VTN: variants seen among roughly 807,000 people sequenced by gnomAD.
VTN encodes vitronectin.
VTN carries 45 observed loss-of-function variants against 55.9 expected under a neutral mutation model. The ratio of observed to expected loss-of-function variants is 0.80; its 90% confidence interval spans 0.63 to 1.03. The LOEUF is 1.03. Ranked by LOEUF, VTN falls within the 50% of genes least tolerant of loss-of-function variation. The pLI, the probability that VTN is intolerant of heterozygous loss-of-function variation, is 0.00. For synonymous variants in VTN, 238 were observed against 242.3 expected, an observed-to-expected ratio of 0.98 and a Z score of 0.17; for missense variants, 589 against 638.2, an observed-to-expected ratio of 0.92 and a Z score of 0.83.
rs1208169982 is a variant in VTN at position 28,367,468 on chromosome 17, T to C, written c.1338A>G (p.Arg446=). The part of the protein sequence containing the change: ...VFFFSGDKYY[R]VNLRTRRVDT... ...CCACTCGCCGTGTGCGAAGATTGAC[T>C]CGGTAGTACTTGTCTGGAAGAGAGG... The change falls in exon 8 of 8, where the codon CGA becomes CGG. Residue 446 remains arginine, a synonymous_variant. Coordinates refer to ENST00000226218, the MANE Select transcript of VTN (RefSeq NM_000638.4). 1.2e-6 allele frequency: 2 copies of C among 1,613,396 alleles called. No homozygotes were observed. Among genetic ancestry groups the C allele is most frequent in the Admixed American group, 1.7e-5 (1 of 59,798 alleles).
rs781798185 is a variant in VTN at position 28,368,509 on chromosome 17, C to G, written c.979+12G>C. ...TTTTGAGGGAGAAGCAAGACTTGCC[C>G]TCTCTCCATACCAGAGGTTCTGCCC... On this transcript the variant is annotated intron_variant, in intron 6 of 7. Coordinates refer to ENST00000226218, the MANE Select transcript of VTN (RefSeq NM_000638.4). The G allele has an allele frequency of 2.5e-5, 40 of 1,613,094 alleles. No homozygotes were observed. The highest frequency in any genetic ancestry group is 3.3e-5 in the Non-Finnish European group (39 of 1,179,564).
Position 28,368,000 on chromosome 17 carries a change from C to T in VTN, c.1039G>A (p.Asp347Asn). The change falls in exon 7 of 8, where the codon GAC becomes AAC. Residue 347 changes from aspartate (D) to asparagine (N), a missense_variant. This residue lies in a region of VTN where 334 missense variants were observed against 328.2 expected (regional missense o/e 1.02). Transcript: ENST00000226218. ...RDWHGVPGQVDAAMAGRIYIS... is the reference protein window; with the variant it reads ...RDWHGVPGQVNAAMAGRIYIS... ...TAGATGCGGCCAGCCATGGCTGCGT[C>T]CACTTGCCCTGGCACACCGTGCCAG... 16 of 1,593,210 alleles carry T rather than the reference C, an allele frequency of 1.0e-5. No individual in the cohort carries two copies. The highest frequency in any genetic ancestry group is 1.4e-5 in the Non-Finnish European group (16 of 1,169,890).
rs782325071 is a variant in VTN, at chr17:28,370,188, G to A, written c.16C>T (p.Pro6Ser). The change falls in exon 1 of 8, where the codon CCC becomes TCC. Residue 6 changes from proline to serine, a missense_variant. Pro to Ser is a moderately conservative substitution (Grantham distance 74, BLOSUM62 -1). Transcript: ENST00000226218. MAPLR[P>S]LLILALLAWV... ...GCCAGCAGGGCCAGTATGAGAAGGG[G>A]TCTCAGGGGTGCCATGGCAGGGCTT... 1.1e-5 allele frequency: 17 copies of A among 1,613,168 alleles called. No individual in the cohort carries two copies. In the Admixed American group the frequency reaches 2.5e-4, roughly 24 times the overall value.
At chr17:28,368,445 A>C in intron 6 of VTN, 76 bp downstream of exon 6, 3 of 1,572,720 alleles carry the variant, frequency 1.9e-6, no homozygotes, top group Non-Finnish European at 2.6e-6. Flanking sequence ...AGCCCCCTCC[A>C]GCCGGCCTGG....
chr17:28,367,344 G>T lies in VTN; in HGVS notation c.*25C>A. ...GAGATGGGAGGAGGGAGCTACAGAG[G>T]GCCCGGCCATGTGGGCTCTGACTCC... On this transcript the variant is annotated 3_prime_UTR_variant, in exon 8 of 8. Coordinates refer to ENST00000226218, the MANE Select transcript of VTN (RefSeq NM_000638.4). The T allele has an allele frequency of 6.6e-7, 1 of 1,511,726 alleles. No homozygotes were observed. The allele number at this position is 1,511,726 out of a possible 1,614,324, so 93.6% of individuals were successfully genotyped here. A position where few individuals can be genotyped will look rare whatever the true frequency, so the allele number is the denominator to read the frequency against.
At chr17:28,368,175 C>T in intron 6 of VTN, 116 bp from the exon 7 acceptor site, 1 of 909,220 alleles carries the variant, frequency 1.1e-6, no homozygotes, top group Non-Finnish European at 1.6e-6. Context: ...CAGCGAATGG[C>T]AGAGCCAGGC....
intron 6 of VTN, among the ~76,000 whole-genome samples, chr17:28,368,294 C>T (rs1391655794): frequency 6.6e-6 from 1 of 151,788 alleles, no homozygotes; most frequent in African/African-American, 2.4e-5. Context: ...CACAGCCCCT[C>T]CCTCTGCTGG....
chr17:28,369,115 A>C lies in VTN; in HGVS notation c.670-87T>G, dbSNP rs782279799. Reference sequence around the variant, plus strand: ...CCCTTGCCCTAAGGCAGCCGTTCCCAGGTCCAGGTTCACTGCCCAGGACCT... The same window carrying C: ...CCCTTGCCCTAAGGCAGCCGTTCCCCGGTCCAGGTTCACTGCCCAGGACCT... On this transcript the variant is annotated intron_variant, in intron 4 of 7. Coordinates refer to ENST00000226218, the MANE Select transcript of VTN (RefSeq NM_000638.4). This position sits in a 1 kb window ranked among gnomAD's most constrained non-coding sequence, Gnocchi z 5.3. The C allele has an allele frequency of 1.6e-5, 24 of 1,514,862 alleles. No homozygotes were observed. The highest frequency in any genetic ancestry group is 4.6e-5 in the Admixed American group (2 of 43,762). The allele number at this position is 1,514,862 out of a possible 1,614,324, so 93.8% of individuals were successfully genotyped here.
In VTN at chr17:28,367,321, G is replaced by T; in HGVS notation, c.*48C>A. 7.6e-7 allele frequency: 1 copy of T among 1,323,976 alleles called. No individual in the cohort carries two copies. The highest frequency in any genetic ancestry group is 1.3e-5 in the South Asian group (1 of 75,526). 82.0% of individuals were successfully genotyped at this position (1,323,976 alleles called of 1,614,324 possible). A position where few individuals can be genotyped will look rare whatever the true frequency, so the allele number is the denominator to read the frequency against. On this transcript the variant is annotated 3_prime_UTR_variant, in exon 8 of 8. Transcript: ENST00000226218. ...GACCTTTATTGGGCTGGGGGAAGGA[G>T]ATGGGAGGAGGGAGCTACAGAGGGC...
At chr17:28,370,106 A>G (rs782117377) in intron 1 of VTN, 34 bp downstream of exon 1, 7 of 1,613,492 alleles carry the variant, frequency 4.3e-6, no homozygotes, top group Middle Eastern at 1.6e-4. Context: ...CCCTCCCTAC[A>G]TTGACCCAGA....
At position 28,368,632 on chromosome 17, in the gene VTN, G is replaced by T. The variant is rs781944825; in HGVS notation, c.868C>A (p.Gln290Lys). ...WEYQFQHQPSQEECEGSSLSA... is the reference protein window; with the variant it reads ...WEYQFQHQPSKEECEGSSLSA... ...AGGGAGCTGCCTTCACACTCCTCCT[G>T]ACTGGGCTGGTGCTGGAACTGGTAC... The change falls in exon 6 of 8, where the codon CAG becomes AAG. Residue 290 changes from glutamine (Q) to lysine (K), a missense_variant. Coordinates refer to ENST00000226218, the MANE Select transcript of VTN (RefSeq NM_000638.4). The T allele has an allele frequency of 1.2e-6, 2 of 1,613,950 alleles. No individual in the cohort carries two copies. The highest frequency in any genetic ancestry group is 2.7e-5 in the African/African-American group (2 of 75,036).
chr17:28,368,668 G>A lies in VTN; in HGVS notation c.832C>T (p.Gln278Ter). ...RERVYFFKGKQYWEYQFQHQP... is the reference protein window; with the variant it reads ...RERVYFFKGK ...TGCTGGAACTGGTACTCCCAGTACT[G>A]TTTCCCTGAGGAGCAGGGTGGTGGG... The change falls in exon 6 of 8, where the codon CAG (glutamine) becomes TAG (stop). Residue 278 changes from glutamine (Q) to a stop codon, truncating the protein, a stop_gained. Coordinates refer to ENST00000226218, the MANE Select transcript of VTN (RefSeq NM_000638.4). LOFTEE classifies it high-confidence loss of function. 6.2e-7 allele frequency: 1 copy of A among 1,613,642 alleles called. No homozygotes were observed.
At position 28,367,407 on chromosome 17, in the gene VTN, G is replaced by A. The variant is rs782111024; in HGVS notation, c.1399C>T (p.Gln467Ter). ...VDPPYPRSIA[Q>*]YWLGCPAPGH... is the part of the protein sequence containing the mutation. ...GGAGCTGGGCAGCCCAGCCAGTACT[G>A]AGCGATGGAGCGTGGGTAGGGAGGG... Residue 467 changes from glutamine (Q) to a stop codon, truncating the protein, a stop_gained, in exon 8 of 8, where the codon CAG becomes TAG. Coordinates refer to ENST00000226218, the MANE Select transcript of VTN (RefSeq NM_000638.4). LOFTEE classifies it high-confidence loss of function. The A allele has an allele frequency of 1.9e-6, 3 of 1,612,048 alleles. No individual in the cohort carries two copies. The African/African-American group carries it at 4.0e-5, about 22-fold the overall frequency.
At chr17:28,368,802 C>T in intron 5 of VTN, 70 bp downstream of exon 5, 3 of 1,611,952 alleles carry the variant, frequency 1.9e-6, no homozygotes, top group African/African-American at 1.3e-5. Context: ...GAGGCCTGTC[C>T]CCAGTGAAAT....
In VTN at chr17:28,370,129, C is replaced by T. The variant is rs782699926; in HGVS notation, c.64+11G>A. 3.7e-6 allele frequency: 6 copies of T among 1,613,194 alleles called. No homozygotes were observed. Among genetic ancestry groups the T allele is most frequent in the South Asian group, 2.2e-5 (2 of 91,048 alleles). On this transcript the variant is annotated intron_variant, in intron 1 of 7. Coordinates refer to ENST00000226218, the MANE Select transcript of VTN (RefSeq NM_000638.4). ...ACATTGACCCAGATGGCCACCAACA[C>T]TCCCCTGTACCTTGGTCAGCCAGAG...
At position 28,368,592 on chromosome 17, in the gene VTN, T is replaced by C; in HGVS notation, c.908A>G (p.Glu303Gly). The C allele has an allele frequency of 6.2e-7, 1 of 1,613,974 alleles. No homozygotes were observed. Residue 303 changes from glutamate to glycine, a missense_variant, in exon 6 of 8, where the codon GAA becomes GGA. Around this residue, in one of 3 missense-constraint regions of VTN, gnomAD observed 334 missense variants for 328.2 expected, o/e 1.02. Coordinates refer to ENST00000226218, the MANE Select transcript of VTN (RefSeq NM_000638.4). ...GTCCCGCTGCATCATGGCAAAGTGTTCAAACACAGCCGACAGGGAGCTGCC... is the reference window on the plus strand; with the variant it reads ...GTCCCGCTGCATCATGGCAAAGTGTCCAAACACAGCCGACAGGGAGCTGCC... Reference protein sequence around the residue: ...CEGSSLSAVFEHFAMMQRDSW... With the variant: ...CEGSSLSAVFGHFAMMQRDSW...
chr17:28,368,012 G>A lies in VTN; in HGVS notation c.1027C>T (p.Pro343Ser). ...QFISRDWHGVPGQVDAAMAGR... is the reference protein window; with the variant it reads ...QFISRDWHGVSGQVDAAMAGR... ...GCCATGGCTGCGTCCACTTGCCCTGGCACACCGTGCCAGTCCCGGCTAATG... is the reference window on the plus strand; with the variant it reads ...GCCATGGCTGCGTCCACTTGCCCTGACACACCGTGCCAGTCCCGGCTAATG... Residue 343 changes from proline (P) to serine (S), a missense_variant, in exon 7 of 8, where the codon CCA becomes TCA. Around this residue, in one of 3 missense-constraint regions of VTN, gnomAD observed 334 missense variants for 328.2 expected, o/e 1.02. Coordinates refer to ENST00000226218, the MANE Select transcript of VTN (RefSeq NM_000638.4). The A allele has an allele frequency of 6.3e-7, 1 of 1,590,780 alleles. No individual in the cohort carries two copies. Among genetic ancestry groups the A allele is most frequent in the Non-Finnish European group, 8.6e-7 (1 of 1,168,450 alleles).
chr17:28,367,819 C>T lies in VTN; in HGVS notation c.1220G>A (p.Ser407Asn). Residue 407 changes from serine (S) to asparagine (N), a missense_variant, in exon 7 of 8, where the codon AGT becomes AAT. This residue lies in a region of VTN where 334 missense variants were observed against 328.2 expected (regional missense o/e 1.02). Transcript: ENST00000226218. The stretch of plus-strand genomic sequence containing the variant: ...GTTGGCTCCCAAGTTGCTCTCCTCA[C>T]TGGAGAACAAGGACAGCCACGTGGC... ...SRATWLSLFS[S>N]EESNLGANNY... 1 of 1,614,192 alleles carries T rather than the reference C, an allele frequency of 6.2e-7. No homozygotes were observed. The highest frequency in any genetic ancestry group is 2.2e-5 in the East Asian group (1 of 44,880).
Position 28,369,288 on chromosome 17 carries a change from C to A in VTN, c.669+1G>T, listed in dbSNP as rs781942841. The A allele has an allele frequency of 2.5e-6, 4 of 1,583,606 alleles. No homozygotes were observed. The highest frequency in any genetic ancestry group is 3.4e-6 in the Non-Finnish European group (4 of 1,160,236). The stretch of plus-strand genomic sequence containing the variant: ...CTACCCTGGCCCACAGCCCCTGGCA[C>A]CTTGAAGAGGTAGGTCTTCCCCTGA... On this transcript the variant is annotated splice_donor_variant, in intron 4 of 7. Transcript: ENST00000226218. LOFTEE classifies it high-confidence loss of function. The surrounding 1 kb of genome is among the most constrained non-coding windows in gnomAD (Gnocchi z 5.3).
Sources: allele counts gnomAD v4.1 joint callset (sites outside exome capture counted in the v4.1 genomes callset), GRCh38; gene constraint gnomAD v4.1.1; regional missense constraint gnomAD v4.1.1; non-coding constraint Gnocchi (gnomAD v3.1); transcripts MANE v1.5; gene names NCBI Gene and HGNC (gene_info 2026-07-23, HGNC 2026-07-21).